The following FANK1 variants were observed in gnomAD, a reference collection of about 807,000 sequenced individuals.
The protein encoded by FANK1 is fibronectin type III and ankyrin repeat domains 1, also known as fibronectin type 3 and ankyrin repeat domains protein 1.
In FANK1, 44 loss-of-function variants were observed where a neutral mutation model predicts 45.3. The ratio of observed to expected loss-of-function variants is 0.97; its 90% CI spans 0.76 to 1.25. FANK1 has a LOEUF of 1.25. Ranked by LOEUF, FANK1 falls within the 50% of genes most tolerant of loss-of-function variation. The pLI is 0.00. For synonymous variants in FANK1, 149 were observed against 152.5 expected (o/e 0.98, Z 0.17); for missense variants, 391 against 424.4 (o/e 0.92, Z 0.69).
intron 1 of FANK1, among the ~76,000 whole-genome samples, chr10:125,919,222 T>TTTTTTTTTTG (rs71029274): frequency 7.6e-6 from 1 of 130,872 alleles, no homozygotes; most frequent in Non-Finnish European, 1.6e-5. Flanking sequence ...TTTTTTTTTT[T>TTTTTTTTTTG]TGTGACAGAG....
intron 3 of FANK1, among the ~76,000 whole-genome samples, chr10:125,993,507 G>A (rs1158689215): frequency 2.0e-5 from 3 of 152,174 alleles, no homozygotes; most frequent in Non-Finnish European, 2.9e-5. Flanking sequence ...GTGCACTTAT[G>A]GATTCTTAGC....
intron 1 of FANK1, among the ~76,000 whole-genome samples, chr10:125,939,015 A>C (rs1335771835): frequency 6.6e-6 from 1 of 152,206 alleles, no homozygotes; most frequent in Non-Finnish European, 1.5e-5. Context: ...CCAACATCAC[A>C]TGCCACCTGA....
intron 1 of FANK1, among the ~76,000 whole-genome samples, chr10:125,904,927 C>T (rs1274242885): frequency 6.6e-6 from 1 of 151,536 alleles, no homozygotes; most frequent in Non-Finnish European, 1.5e-5. Context: ...AGATCGAGAC[C>T]GTCCTGGCTA....
chr10:125,978,332 C>T (rs1950979456), intron 1 of FANK1, among the ~76,000 whole-genome samples: 1 of 152,048 alleles, frequency 6.6e-6, no homozygotes, highest in African/African-American at 2.4e-5. Context: ...AAAGTGGCCA[C>T]ATTTTGGGAG....
intron 1 of FANK1, among the ~76,000 whole-genome samples, chr10:125,933,449 CT>C (rs1267342810): frequency 6.6e-6 from 1 of 151,976 alleles, no homozygotes; most frequent in African/African-American, 2.4e-5. Flanking sequence ...CTTGAATGAG[CT>C]TTTGTATTTG....
chr10:125,929,696 G>A (rs997210718), intron 1 of FANK1, among the ~76,000 whole-genome samples: 7 of 152,126 alleles, frequency 4.6e-5, no homozygotes, highest in African/African-American at 1.7e-4. Context: ...TTGGCATCTT[G>A]AACAGAGAAT....
At chr10:125,999,573 C>T (rs1234097415) in intron 6 of FANK1, among the ~76,000 whole-genome samples, 2 of 152,110 alleles carry the variant, frequency 1.3e-5, no homozygotes, top group Middle Eastern at 3.2e-3. Context: ...CTCAATCAGC[C>T]AGTGTCATTC....
chr10:125,940,924 A>G (rs572278102), intron 1 of FANK1, among the ~76,000 whole-genome samples: 44 of 152,284 alleles, frequency 2.9e-4, no homozygotes, highest in African/African-American at 1.1e-3. Context: ...CACACAACAC[A>G]TGTTTCTGTG....
chr10:125,968,594 A>G (rs190204973), intron 1 of FANK1, among the ~76,000 whole-genome samples: 28 of 152,322 alleles, frequency 1.8e-4, no homozygotes, highest in Non-Finnish European at 3.1e-4. Context: ...GCAAATTCCA[A>G]TACAGTGTAT....
chr10:125,937,607 A>G (rs1173370273), intron 1 of FANK1, among the ~76,000 whole-genome samples: 3 of 152,212 alleles, frequency 2.0e-5, no homozygotes, highest in Non-Finnish European at 4.4e-5. Context: ...CCACGCAACT[A>G]TATTAAAAAA....
intron 3 of FANK1, among the ~76,000 whole-genome samples, chr10:125,991,250 G>GGTGTGTGTGTGT (rs113257579): frequency 0.013 from 1,835 of 145,936 alleles, 30 homozygotes; most frequent in African/African-American, 0.038. Flanking sequence ...GGTGACCAGG[G>GGTGTGTGTGTGT]GTGTGTGTGT....
chr10:125,920,241 CTTTTA>C (rs1946850578), intron 1 of FANK1, among the ~76,000 whole-genome samples: 1 of 152,100 alleles, frequency 6.6e-6, no homozygotes, highest in Admixed American at 6.6e-5. Flanking sequence ...GTACATGTTG[CTTTTA>C]TTTTTTTTCT....
At chr10:125,995,778 T>G (rs574414391) in intron 4 of FANK1, among the ~76,000 whole-genome samples, 1 of 152,334 alleles carries the variant, frequency 6.6e-6, no homozygotes, top group Admixed American at 6.5e-5. Flanking sequence ...TTCTGTCTCT[T>G]GCTTATAAGC....
intron 6 of FANK1, among the ~76,000 whole-genome samples, chr10:126,001,831 G>A (rs1327650174): frequency 6.6e-6 from 1 of 151,960 alleles, no homozygotes; most frequent in Non-Finnish European, 1.5e-5. Flanking sequence ...AGCCTCCGGG[G>A]CTGGAGTCTC....
chr10:125,922,107 T>C (rs927654994), intron 1 of FANK1, among the ~76,000 whole-genome samples: 98 of 152,326 alleles, frequency 6.4e-4, no homozygotes, highest in Non-Finnish European at 1.2e-3. Flanking sequence ...CATATTTTGA[T>C]AAGATGATGT....
At chr10:125,979,960 G>A in intron 1 of FANK1, 1 of 634,334 alleles carries the variant, frequency 1.6e-6, no homozygotes, top group East Asian at 2.9e-5. Context: ...GCTTGTTGAA[G>A]ACTGTGGTAG....
intron 1 of FANK1, among the ~76,000 whole-genome samples, chr10:125,961,498 C>T (rs1191351570): frequency 1.3e-5 from 2 of 152,122 alleles, no homozygotes; most frequent in Non-Finnish European, 1.5e-5. Flanking sequence ...ACTAGATATC[C>T]ATAGGCAGAA....
chr10:125,961,198 C>A (rs1179584364), intron 1 of FANK1, among the ~76,000 whole-genome samples: 2 of 152,176 alleles, frequency 1.3e-5, no homozygotes, highest in African/African-American at 2.4e-5. Flanking sequence ...CCTTTACTTC[C>A]TGGGCTTAAG....
At position 125,900,642 on chromosome 10, in the gene FANK1, TTTGTTTG is replaced by T. The variant is rs899049135; in HGVS notation, c.13+3997_13+4003del. On this transcript the variant is annotated intron_variant, in intron 1 of 10. Coordinates refer to ENST00000368693, the MANE Select transcript of FANK1 (RefSeq NM_145235.5). ...GTTTCTTTCTGTTTTTTTTTGTTTG[TTTGTTTG>T]TTGTTTGTTTTTTGTTTTTTGAGAC... Among the ~76,000 whole-genome samples, 6 of 152,074 alleles carry T rather than the reference TTTGTTTG, an allele frequency of 3.9e-5. No individual in the cohort carries two copies. In the South Asian group the frequency reaches 1.0e-3, roughly 26 times the overall value.
Sources: gnomAD v4.1 joint callset for allele counts (sites outside exome capture counted in the v4.1 genomes callset) on GRCh38, gnomAD v4.1.1 for gene constraint, MANE v1.5 for transcripts, NCBI Gene and HGNC (gene_info 2026-07-23, HGNC 2026-07-21) for gene names.